The following MRPS23 variants were observed in gnomAD, a reference collection of about 807,000 sequenced individuals.
MRPS23 encodes the protein mitochondrial ribosomal protein S23, also known as small ribosomal subunit protein mS23.
Under a neutral mutation model 19.8 loss-of-function variants are expected in MRPS23, and 14 were observed. That is an observed-to-expected ratio of 0.71 (90% confidence interval 0.47 to 1.11). The LOEUF (loss-of-function observed/expected upper bound fraction) is 1.11. MRPS23 is among the 50% of genes least tolerant of loss of function. MRPS23 has a pLI of 0.00. For missense variants in MRPS23, 242 were observed against 236.7 expected, an observed-to-expected ratio of 1.02 and a Z score of -0.15; for synonymous variants, 113 against 89.7, an observed-to-expected ratio of 1.26 and a Z score of -1.47.
intron 2 of MRPS23, among the ~76,000 whole-genome samples, chr17:57,847,514 T>G (rs1036221763): frequency 3.3e-5 from 5 of 150,992 alleles, no homozygotes; most frequent in Admixed American, 1.3e-4. Flanking sequence ...TACAAAAAAT[T>G]AGCCAGCTGT....
In MRPS23 at chr17:57,849,430, G is replaced by T. The variant is rs368950842; in HGVS notation, c.45-20C>A. ...CGAGTCCTTAGGGAGGGAACAGAACGAAACTGGGTCACTTGCAGTAGCCTG... is the reference window on the plus strand; with the variant it reads ...CGAGTCCTTAGGGAGGGAACAGAACTAAACTGGGTCACTTGCAGTAGCCTG... On this transcript the variant is annotated intron_variant, in intron 1 of 4. Transcript: ENST00000313608. 1 of 1,610,226 alleles carries T rather than the reference G, an allele frequency of 6.2e-7. No individual in the cohort carries two copies. The highest frequency in any genetic ancestry group is 8.5e-7 in the Non-Finnish European group (1 of 1,178,338).
rs2073727167 is a variant in MRPS23 at position 57,839,485 on chromosome 17, G to C, written c.*298C>G. ...ATCAAAGCAAGCCTAGTCAGATTGA[G>C]TCCCATTTGAACAATCTTTATAAAG... On this transcript the variant is annotated 3_prime_UTR_variant, in exon 5 of 5. Transcript: ENST00000313608. 1 of 222,866 alleles carries C rather than the reference G, an allele frequency of 4.5e-6. No individual in the cohort carries two copies. Among genetic ancestry groups the C allele is most frequent in the South Asian group, 1.1e-4 (1 of 9,124 alleles). 13.8% of individuals were successfully genotyped at this position (222,866 alleles called of 1,614,324 possible).
chr17:57,847,883 G>A (rs938456275), intron 2 of MRPS23, among the ~76,000 whole-genome samples: 1 of 151,708 alleles, frequency 6.6e-6, no homozygotes, highest in East Asian at 2.0e-4. Flanking sequence ...TTTTAGTCAA[G>A]ACAGGGTTTC....
chr17:57,840,068 T>C, intron 4 of MRPS23, 133 bp from the exon 5 acceptor site: 1 of 1,049,210 alleles, frequency 9.5e-7, no homozygotes, highest in Non-Finnish European at 1.4e-6. Flanking sequence ...CCAATTCTAC[T>C]ATAACAAATA....
At chr17:57,846,392 G>A (rs1359266412) in intron 2 of MRPS23, among the ~76,000 whole-genome samples, 12 of 152,162 alleles carry the variant, frequency 7.9e-5, no homozygotes, top group African/African-American at 1.2e-4. Flanking sequence ...CCCTCTGCCC[G>A]GCCGCCACCC....
Position 57,837,988 on chromosome 17 carries a change from TA to T in MRPS23, c.*1794del, listed in dbSNP as rs72033122. On this transcript the variant is annotated 3_prime_UTR_variant, in exon 5 of 5. Transcript: ENST00000313608. Reference sequence around the variant, plus strand: ...AGACCCCCATCTCCTAAAACAAAATTAAAAAAAAAAAAAATTAAGGCCAGGC... The same window carrying T: ...AGACCCCCATCTCCTAAAACAAAATTAAAAAAAAAAAAATTAAGGCCAGGC... The T allele has an allele frequency of 1.7e-3, 223 of 134,264 alleles. 2 individuals are homozygous for T. The highest frequency in any genetic ancestry group is 1.6e-3 in the Non-Finnish European group (96 of 61,834). The allele number at this position is 134,264 out of a possible 1,614,324, so 8.3% of individuals were successfully genotyped here.
Position 57,839,786 on chromosome 17 carries a change from G to C in MRPS23, c.570C>G (p.Pro190=). 1 of 1,614,022 alleles carries C rather than the reference G, an allele frequency of 6.2e-7. No homozygotes were observed. Among genetic ancestry groups the C allele is most frequent in the South Asian group, 1.1e-5 (1 of 91,070 alleles). Residue 190 remains proline, a synonymous_variant, in exon 5 of 5, where the codon CCC becomes CCG. Transcript: ENST00000313608. ...GCATACACAGTATACAGGTCCTTCA[G>C]GGAGGCAAGAGACCTTTCGACTGGT... ...PADQSKGLLP[P] is the part of the protein sequence containing the mutation.
chr17:57,848,422 T>C (rs1199284309), intron 2 of MRPS23, among the ~76,000 whole-genome samples: 1 of 152,100 alleles, frequency 6.6e-6, no homozygotes, highest in Admixed American at 6.6e-5. Context: ...TCGCCCAGGC[T>C]GGAGTGCAGT....
intron 4 of MRPS23, 94 bp from the exon 5 acceptor site, chr17:57,840,029 G>A: frequency 6.9e-7 from 1 of 1,449,852 alleles, no homozygotes; most frequent in South Asian, 1.3e-5. Flanking sequence ...CTGTCACTGA[G>A]TGAAAAATTT....
intron 2 of MRPS23, among the ~76,000 whole-genome samples, chr17:57,846,269 C>T (rs1167168610): frequency 1.8e-5 from 2 of 108,596 alleles, no homozygotes; most frequent in African/African-American, 4.0e-5. Context: ...AGCCACCGCC[C>T]GACCAGCCGC....
chr17:57,839,809 G>A lies in MRPS23; in HGVS notation c.547C>T (p.Gln183Ter). 6.2e-7 allele frequency: 1 copy of A among 1,614,148 alleles called. No individual in the cohort carries two copies. Among genetic ancestry groups the A allele is most frequent in the Non-Finnish European group, 8.5e-7 (1 of 1,180,014 alleles). Residue 183 changes from glutamine to a stop codon, truncating the protein, a stop_gained, in exon 5 of 5, where the codon CAG (glutamine) becomes TAG (stop). Coordinates refer to ENST00000313608, the MANE Select transcript of MRPS23 (RefSeq NM_016070.4). LOFTEE classifies it high-confidence loss of function. ...CAGGGAGGCAAGAGACCTTTCGACT[G>A]GTCTGCAGGTGCCTCCAAATGCTGG... ...QDQHLEAPADQSKGLLPP is the reference protein window; with the variant it reads ...QDQHLEAPAD
intron 2 of MRPS23, among the ~76,000 whole-genome samples, chr17:57,842,113 G>A (rs2144874423): frequency 6.6e-6 from 1 of 152,208 alleles, no homozygotes; most frequent in Non-Finnish European, 1.5e-5. Flanking sequence ...CTGGGCTCAA[G>A]CAATCCTCTT....
intron 1 of MRPS23, 90 bp downstream of exon 1, chr17:57,849,877 G>T: frequency 1.4e-6 from 2 of 1,469,330 alleles, no homozygotes; most frequent in Non-Finnish European, 9.1e-7. Context: ...GCCTCGCCCT[G>T]CTCAGGTCCG....
At chr17:57,849,559 T>G (rs1216584484) in intron 1 of MRPS23, 149 bp from the exon 2 acceptor site, 5 of 962,768 alleles carry the variant, frequency 5.2e-6, no homozygotes, top group African/African-American at 5.0e-5. Flanking sequence ...AGAGAAGATC[T>G]GTCCACATCC....
At position 57,838,289 on chromosome 17, in the gene MRPS23, C is replaced by CAAAAAAAAAAAAAAAAAAAAAAAAAAAA. The variant is rs59289595; in HGVS notation, c.*1466_*1493dup. ...TGGGAAACAAAGTGATACTCCATCG[C>CAAAAAAAAAAAAAAAAAAAAAAAAAAAA]AAAAAAAAAAAAAAAAAAAAAAAAA... On this transcript the variant is annotated 3_prime_UTR_variant, in exon 5 of 5. Coordinates refer to ENST00000313608, the MANE Select transcript of MRPS23 (RefSeq NM_016070.4). 1.0e-4 allele frequency: 3 copies of CAAAAAAAAAAAAAAAAAAAAAAAAAAAA among 29,414 alleles called. No homozygotes were observed. Among genetic ancestry groups the CAAAAAAAAAAAAAAAAAAAAAAAAAAAA allele is most frequent in the Admixed American group, 6.7e-4 (1 of 1,484 alleles). 1.8% of individuals were successfully genotyped at this position (29,414 alleles called of 1,614,324 possible). A position where few individuals can be genotyped will look rare whatever the true frequency, so the allele number is the denominator to read the frequency against.
At chr17:57,842,809 G>A (rs1379852329) in intron 2 of MRPS23, among the ~76,000 whole-genome samples, 2 of 150,640 alleles carry the variant, frequency 1.3e-5, no homozygotes, top group African/African-American at 4.9e-5. Flanking sequence ...GATCTTTTGA[G>A]GCCAGGAGCT....
intron 2 of MRPS23, among the ~76,000 whole-genome samples, chr17:57,842,864 TA>T (rs746598526): frequency 0.018 from 1,459 of 79,234 alleles, 47 homozygotes; most frequent in African/African-American, 0.064. Flanking sequence ...ACCCTGTCTC[TA>T]AAAAAAAAAA....
In MRPS23 at chr17:57,849,829, A is replaced by G. The variant is rs1189120067; in HGVS notation, c.44+138T>C. On this transcript the variant is annotated intron_variant, in intron 1 of 4. Transcript: ENST00000313608. ...ATTCGGAGCCAGGAGAAAACATGAG[A>G]GGGCCTCACCCAGCTCAGCCCCCGC... 7.1e-6 allele frequency: 7 copies of G among 981,060 alleles called. No homozygotes were observed. In the Admixed American group the frequency reaches 1.7e-4, roughly 24 times the overall value. The allele number at this position is 981,060 out of a possible 1,614,324, so 60.8% of individuals were successfully genotyped here.
In MRPS23 at chr17:57,842,893, C is replaced by T. The variant is rs1419102770; in HGVS notation, c.216-1633G>A. Among the ~76,000 whole-genome samples, 800 of 86,324 alleles carry T rather than the reference C, an allele frequency of 9.3e-3. 14 individuals carry two copies. Among genetic ancestry groups the T allele is most frequent in the African/African-American group, 0.024 (484 of 20,102 alleles). 56.6% of individuals were successfully genotyped at this position (86,324 alleles called of 152,430 possible). A position where few individuals can be genotyped will look rare whatever the true frequency, so the allele number is the denominator to read the frequency against. On this transcript the variant is annotated intron_variant, in intron 2 of 4. Coordinates refer to ENST00000313608, the MANE Select transcript of MRPS23 (RefSeq NM_016070.4). ...AAAAAAAAAAAAATATATATATATA[C>T]ACACACACACACACACACACACACA...
Sources: allele counts gnomAD v4.1 joint callset (sites outside exome capture counted in the v4.1 genomes callset), GRCh38; gene constraint gnomAD v4.1.1; transcripts MANE v1.5; gene names NCBI Gene and HGNC (gene_info 2026-07-23, HGNC 2026-07-21).